Variants in CDH4 observed in about 807,000 individuals in gnomAD.
CDH4 encodes the protein cadherin-4.
A neutral mutation model predicts 86.0 loss-of-function variants in CDH4; 33 were observed. The ratio of observed to expected loss-of-function variants is 0.38; its 90% CI spans 0.29 to 0.51. The LOEUF is 0.51. Among genes scored for constraint, CDH4 ranks in the 20% least tolerant of loss-of-function variants. The pLI is 0.86. For missense variants in CDH4, 1,114 were observed against 1,307.4 expected, an observed-to-expected ratio of 0.85 and a Z score of 2.28; for synonymous variants, 555 against 549.4, an observed-to-expected ratio of 1.01 and a Z score of -0.14.
intron 2 of CDH4, among the ~76,000 whole-genome samples, chr20:61,687,991 C>T (rs1164592167): frequency 6.6e-6 from 1 of 152,122 alleles, no homozygotes; most frequent in African/African-American, 2.4e-5. Flanking sequence ...ATTATTATGA[C>T]TTCATAATAA....
intron 2 of CDH4, among the ~76,000 whole-genome samples, chr20:61,723,191 A>G (rs1178355793): frequency 6.6e-6 from 1 of 152,106 alleles, no homozygotes; most frequent in Non-Finnish European, 1.5e-5. Flanking sequence ...CAATATCCTC[A>G]CACGGCTTCA....
At chr20:61,826,586 C>G (rs1981324933) in intron 4 of CDH4, among the ~76,000 whole-genome samples, 1 of 152,228 alleles carries the variant, frequency 6.6e-6, no homozygotes, top group Admixed American at 6.5e-5. Flanking sequence ...AAGAATAACA[C>G]AGGTGGAGAT....
chr20:61,380,531 T>TTTTTTCCCCCCCCCCC (rs2084894574), intron 2 of CDH4, among the ~76,000 whole-genome samples: 1 of 148,840 alleles, frequency 6.7e-6, no homozygotes, highest in African/African-American at 2.5e-5. Flanking sequence ...CAAACCCCCC[T>TTTTTTCCCCCCCCCCC]GCCCCCTCCC....
In CDH4 at chr20:61,727,398, T is replaced by G. The variant is rs373184652; in HGVS notation, c.170-16165T>G. On this transcript the variant is annotated intron_variant, in intron 2 of 15. Transcript: ENST00000614565. Reference sequence around the variant, plus strand: ...CCATCACTATCTCTCTTATCACCATTGCTGCCATCATCATCATCTCTGTCA... The same window carrying G: ...CCATCACTATCTCTCTTATCACCATGGCTGCCATCATCATCATCTCTGTCA... 2.8e-4 allele frequency among the ~76,000 whole-genome samples: 43 copies of G among 152,204 alleles called. 1 individual carries two copies. The South Asian group carries it at 8.8e-3, about 31-fold the overall frequency.
intron 2 of CDH4, among the ~76,000 whole-genome samples, chr20:61,640,433 G>A (rs2086993765): frequency 6.6e-6 from 1 of 152,228 alleles, no homozygotes; most frequent in Admixed American, 6.5e-5. Context: ...CATTTTCCGA[G>A]TGTAGACCAA....
chr20:61,890,266 G>T (rs1021908390), intron 7 of CDH4, among the ~76,000 whole-genome samples: 3 of 151,746 alleles, frequency 2.0e-5, no homozygotes, highest in Non-Finnish European at 4.4e-5. Context: ...GATGGATAAT[G>T]GATGGGTAAG....
chr20:61,601,711 G>A (rs1474677443), intron 2 of CDH4, among the ~76,000 whole-genome samples: 3 of 152,198 alleles, frequency 2.0e-5, no homozygotes, highest in South Asian at 2.1e-4. Flanking sequence ...CTGGCGGGGC[G>A]CATGCAGCCC....
intron 2 of CDH4, among the ~76,000 whole-genome samples, chr20:61,643,311 T>G (rs1415605071): frequency 6.6e-6 from 1 of 152,240 alleles, no homozygotes; most frequent in Non-Finnish European, 1.5e-5. Flanking sequence ...CGAATGGCTC[T>G]GCCCTCATGA....
At chr20:61,891,640 G>A (rs1984824937) in intron 7 of CDH4, among the ~76,000 whole-genome samples, 1 of 152,196 alleles carries the variant, frequency 6.6e-6, no homozygotes, top group Admixed American at 6.5e-5. Context: ...GAGGGCCCAG[G>A]AGCCAGCGCC....
chr20:61,835,254 A>T (rs1391434866), intron 4 of CDH4, among the ~76,000 whole-genome samples: 1 of 151,046 alleles, frequency 6.6e-6, no homozygotes, highest in Non-Finnish European at 1.5e-5. Flanking sequence ...TATTTTCTTT[A>T]AAGACAGGGT....
rs1194830397 is a variant in CDH4, at chr20:61,582,969, T to C, written c.170-160594T>C. 1.3e-5 allele frequency among the ~76,000 whole-genome samples: 2 copies of C among 151,994 alleles called. No individual in the cohort carries two copies. Among genetic ancestry groups the C allele is most frequent in the Non-Finnish European group, 2.9e-5 (2 of 68,006 alleles). On this transcript the variant is annotated intron_variant, in intron 2 of 15. Coordinates refer to ENST00000614565, the MANE Select transcript of CDH4 (RefSeq NM_001794.5). This position sits in a 1 kb window ranked among gnomAD's most constrained non-coding sequence, Gnocchi z 4.2. Reference sequence around the variant, plus strand: ...GCCCCCGGCCCTAGGCAGCCACTAATCTACTTTCTGTCTCTGTCGACTTCC... The same window carrying C: ...GCCCCCGGCCCTAGGCAGCCACTAACCTACTTTCTGTCTCTGTCGACTTCC...
intron 2 of CDH4, among the ~76,000 whole-genome samples, chr20:61,384,859 C>G (rs1235566675): frequency 6.6e-6 from 1 of 152,136 alleles, no homozygotes; most frequent in Non-Finnish European, 1.5e-5. Context: ...GTATTTCAGA[C>G]TCTAAGTCTG....
intron 2 of CDH4, among the ~76,000 whole-genome samples, chr20:61,521,764 T>G (rs767724): frequency 0.17 from 25,905 of 150,918 alleles, 2,627 homozygotes; most frequent in East Asian, 0.37. Flanking sequence ...TCTCAGGATC[T>G]CTGGTTCGTG....
chr20:61,569,161 C>T (rs2086323203), intron 2 of CDH4, among the ~76,000 whole-genome samples: 1 of 152,170 alleles, frequency 6.6e-6, no homozygotes, highest in African/African-American at 2.4e-5. Flanking sequence ...CCTTGGTTTT[C>T]TCATCTGAAA....
At chr20:61,586,295 GCAGTGACAATAA>G (rs984605214) in intron 2 of CDH4, among the ~76,000 whole-genome samples, 41 of 152,230 alleles carry the variant, frequency 2.7e-4, no homozygotes, top group African/African-American at 8.7e-4. Context: ...GATAGGGATG[GCAGTGACAATAA>G]CAGTGACAAC....
chr20:61,820,288 C>T (rs1393606256), intron 4 of CDH4, among the ~76,000 whole-genome samples: 1 of 152,262 alleles, frequency 6.6e-6, no homozygotes, highest in Non-Finnish European at 1.5e-5. Flanking sequence ...GCGGCTCTCA[C>T]TGGCTGCTGC....
intron 3 of CDH4, among the ~76,000 whole-genome samples, chr20:61,761,949 G>A (rs1177084188): frequency 6.6e-6 from 1 of 152,216 alleles, no homozygotes; most frequent in Non-Finnish European, 1.5e-5. Context: ...CGCACGGCAG[G>A]CAGCTCCGCA....
rs531047743 is a variant in CDH4 at position 61,810,592 on chromosome 20, C to A, written c.577-34076C>A. Among the ~76,000 whole-genome samples the A allele has an allele frequency of 9.2e-5, 14 of 152,348 alleles. No individual in the cohort carries two copies. The East Asian group carries it at 2.7e-3, about 29-fold the overall frequency. ...CCCGTGTGCCCGCCTCACCCTGCCT[C>A]CTGCCTCCCGCCCTGCTCCCATCCA... On this transcript the variant is annotated intron_variant, in intron 4 of 15. Coordinates refer to ENST00000614565, the MANE Select transcript of CDH4 (RefSeq NM_001794.5). The surrounding 1 kb of genome is among the most constrained non-coding windows in gnomAD (Gnocchi z 4.3).
At chr20:61,370,970 C>G (rs982072534) in intron 2 of CDH4, 1 of 152,244 alleles carries the variant, frequency 6.6e-6, no homozygotes, top group Admixed American at 6.5e-5. Flanking sequence ...CCTCAGCGCT[C>G]TGGGCAGGGG....
Sources: allele counts gnomAD v4.1 joint callset (sites outside exome capture counted in the v4.1 genomes callset), GRCh38; gene constraint gnomAD v4.1.1; non-coding constraint Gnocchi (gnomAD v3.1); transcripts MANE v1.5; gene names NCBI Gene and HGNC (gene_info 2026-07-23, HGNC 2026-07-21).